NTF3: variants seen among roughly 807,000 people sequenced by gnomAD.
NTF3 encodes neurotrophin 3.
NTF3 carries 8 observed loss-of-function variants against 26.3 expected under a neutral mutation model. That is an observed-to-expected ratio of 0.30 (90% CI 0.18 to 0.55). The LOEUF is 0.55. Among genes scored for constraint, NTF3 ranks in the 20% least tolerant of loss-of-function variants. The pLI, the probability that NTF3 is intolerant of heterozygous loss-of-function variation, is 0.93. For synonymous variants in NTF3, 154 were observed against 145.5 expected (o/e 1.06, Z -0.42); for missense variants, 276 against 352.9 (o/e 0.78, Z 1.75).
At chr12:5,492,977 T>C (rs1352279799) in intron 1 of NTF3, among the ~76,000 whole-genome samples, 1 of 152,134 alleles carries the variant, frequency 6.6e-6, no homozygotes, top group Non-Finnish European at 1.5e-5. Flanking sequence ...ATTTTCCATG[T>C]TTGGACAGAA....
At chr12:5,448,440 G>A (rs941951579) in intron 1 of NTF3, among the ~76,000 whole-genome samples, 2 of 152,082 alleles carry the variant, frequency 1.3e-5, no homozygotes, top group Non-Finnish European at 2.9e-5. Flanking sequence ...GACATGCCTC[G>A]GATGTGGCTT....
Position 5,459,645 on chromosome 12 carries a change from G to A in NTF3, c.18+27303G>A, listed in dbSNP as rs914351721. On this transcript the variant is annotated intron_variant, in intron 1 of 1. Transcript: ENST00000423158. ...GCAGTTGCAATACGAGAGAGAAAAG[G>A]CCAGAGCTTAGCGGATGTCCTAGAC... is the stretch of plus-strand genomic sequence containing the variant. Among the ~76,000 whole-genome samples, 4 of 152,170 alleles carry A rather than the reference G, an allele frequency of 2.6e-5. No individual in the cohort carries two copies. The East Asian group carries it at 5.8e-4, about 22-fold the overall frequency.
Position 5,495,119 on chromosome 12 carries a change from A to G in NTF3, c.*131A>G, listed in dbSNP as rs1209521856. 4.1e-6 allele frequency: 4 copies of G among 981,492 alleles called. No individual in the cohort carries two copies. The highest frequency in any genetic ancestry group is 1.6e-5 in the African/African-American group (1 of 60,698). The allele number at this position is 981,492 out of a possible 1,614,324, so 60.8% of individuals were successfully genotyped here. ...TATTAAACTTCAGCAACCCTACAGT[A>G]TATAAGCTTTTTTCTCAATAAAATC... On this transcript the variant is annotated 3_prime_UTR_variant, in exon 2 of 2. Coordinates refer to ENST00000423158, the MANE Select transcript of NTF3 (RefSeq NM_001102654.2).
chr12:5,445,336 G>GTGTT (rs1555069181), intron 1 of NTF3, among the ~76,000 whole-genome samples: 15 of 149,180 alleles, frequency 1.0e-4, no homozygotes, highest in South Asian at 2.1e-4. Context: ...GTGTGTGTGT[G>GTGTT]TTTAAAGTTT....
At chr12:5,430,394 C>T (rs1158565094), upstream of NTF3, among the ~76,000 whole-genome samples, 2 of 151,892 alleles carry the variant, frequency 1.3e-5, no homozygotes, top group African/African-American at 2.4e-5. Flanking sequence ...CCTCTTCTGG[C>T]CCTGAGGAAG....
intron 1 of NTF3, among the ~76,000 whole-genome samples, chr12:5,481,177 C>T (rs1238082625): frequency 6.6e-6 from 1 of 152,102 alleles, no homozygotes; most frequent in Non-Finnish European, 1.5e-5. Flanking sequence ...GGATGATTTA[C>T]TCCGGTTCCT....
At chr12:5,470,125 G>C (rs889243053) in intron 1 of NTF3, among the ~76,000 whole-genome samples, 2 of 152,052 alleles carry the variant, frequency 1.3e-5, no homozygotes, top group Non-Finnish European at 2.9e-5. Flanking sequence ...GGGGATTCAC[G>C]GTGTTAGCCA....
rs118118472 is a variant in NTF3, at chr12:5,479,375, G to A, written c.19-14819G>A. ...TGTAAACCGGTGCATCACAGATACT[G>A]TTAGAGTATCTCACAGATACTGATA... On this transcript the variant is annotated intron_variant, in intron 1 of 1. Coordinates refer to ENST00000423158, the MANE Select transcript of NTF3 (RefSeq NM_001102654.2). Among the ~76,000 whole-genome samples, 1,345 of 152,312 alleles carry A rather than the reference G, an allele frequency of 8.8e-3. 9 individuals carry two copies. Among genetic ancestry groups the A allele is most frequent in the Non-Finnish European group, 0.014 (952 of 68,028 alleles).
chr12:5,443,062 T>C (rs1940259610), intron 1 of NTF3, among the ~76,000 whole-genome samples: 1 of 152,166 alleles, frequency 6.6e-6, no homozygotes, highest in Non-Finnish European at 1.5e-5. Flanking sequence ...AAGACCAATA[T>C]GGGTCTCCTT....
intron 1 of NTF3, among the ~76,000 whole-genome samples, chr12:5,448,533 C>T (rs1369920354): frequency 6.6e-6 from 1 of 152,132 alleles, no homozygotes; most frequent in Non-Finnish European, 1.5e-5. Context: ...AGCTTCTAGC[C>T]AATGAAAGTC....
upstream of NTF3, among the ~76,000 whole-genome samples, chr12:5,430,387 C>G (rs1329156851): frequency 6.6e-6 from 1 of 151,940 alleles, no homozygotes; most frequent in Non-Finnish European, 1.5e-5. Context: ...TCGGCAGCCT[C>G]TTCTGGCCCT....
chr12:5,440,509 G>A (rs1174513256), intron 1 of NTF3, among the ~76,000 whole-genome samples: 4 of 152,154 alleles, frequency 2.6e-5, no homozygotes, highest in African/African-American at 4.8e-5. Flanking sequence ...TAGAGGACCT[G>A]CTTCTAATGG....
intron 1 of NTF3, among the ~76,000 whole-genome samples, chr12:5,464,460 A>G (rs1190112692): frequency 1.3e-5 from 2 of 152,230 alleles, no homozygotes; most frequent in Non-Finnish European, 2.9e-5. Flanking sequence ...GGTTGTGTGA[A>G]ATAAACCCAT....
chr12:5,467,221 T>C (rs1940602186), intron 1 of NTF3, among the ~76,000 whole-genome samples: 2 of 86,424 alleles, frequency 2.3e-5, no homozygotes, highest in South Asian at 4.8e-4. Flanking sequence ...AGAGCGAGAC[T>C]CCGTCTCAAA....
At chr12:5,472,042 G>A (rs1164288611) in intron 1 of NTF3, among the ~76,000 whole-genome samples, 1 of 152,092 alleles carries the variant, frequency 6.6e-6, no homozygotes, top group African/African-American at 2.4e-5. Flanking sequence ...TGAGGTCCTG[G>A]CCAAGAAAGC....
At chr12:5,443,272 T>C (rs1239560106) in intron 1 of NTF3, among the ~76,000 whole-genome samples, 1 of 152,108 alleles carries the variant, frequency 6.6e-6, no homozygotes, top group African/African-American at 2.4e-5. Flanking sequence ...GGCCCCCCCA[T>C]CCCCGACCCT....
At chr12:5,470,680 A>G (rs1940653850) in intron 1 of NTF3, among the ~76,000 whole-genome samples, 1 of 152,146 alleles carries the variant, frequency 6.6e-6, no homozygotes, top group Non-Finnish European at 1.5e-5. Context: ...CTGCTGTGGC[A>G]GCTTCACGTG....
intron 1 of NTF3, among the ~76,000 whole-genome samples, chr12:5,458,680 C>T (rs1940485152): frequency 6.6e-6 from 1 of 152,216 alleles, no homozygotes; most frequent in Non-Finnish European, 1.5e-5. Flanking sequence ...CCCTCATTCA[C>T]TTTGGCAAAT....
intron 1 of NTF3, among the ~76,000 whole-genome samples, chr12:5,487,460 G>C (rs1940880489): frequency 6.6e-6 from 1 of 152,230 alleles, no homozygotes; most frequent in South Asian, 2.1e-4. Flanking sequence ...CTGGCCTTCA[G>C]AAGGACCAGT....
Sources: gnomAD v4.1 joint callset for allele counts (sites outside exome capture counted in the v4.1 genomes callset) on GRCh38, gnomAD v4.1.1 for gene constraint, MANE v1.5 for transcripts, NCBI Gene and HGNC (gene_info 2026-07-23, HGNC 2026-07-21) for gene names.